Variants in DNM2 observed in about 807,000 individuals in gnomAD.
The protein encoded by DNM2 is dynamin 2.
Under a neutral mutation model 99.0 loss-of-function variants are expected in DNM2, and 15 were observed. The ratio of observed to expected loss-of-function variants is 0.15; its 90% confidence interval spans 0.10 to 0.23. DNM2 has a LOEUF of 0.23. DNM2 is among the 10% of genes least tolerant of loss of function. The probability of loss-of-function intolerance (pLI) is 1.00; values close to 1 mark genes in which losing one functional copy is unlikely to be tolerated. For missense variants in DNM2, 742 were observed against 1,189.4 expected (o/e 0.62, Z 5.53); for synonymous variants, 525 against 481.2 (o/e 1.09, Z -1.19).
chr19:10,718,585 G>A, intron 1 of DNM2, 182 bp downstream of exon 1: 2 of 936,020 alleles, frequency 2.1e-6, no homozygotes, highest in East Asian at 3.9e-5. Flanking sequence ...CCCTGCAGGG[G>A]CTCCGGAGCA....
chr19:10,745,680 G>C (rs1259088096), intron 1 of DNM2, among the ~76,000 whole-genome samples: 2 of 152,216 alleles, frequency 1.3e-5, no homozygotes, highest in African/African-American at 2.4e-5. Flanking sequence ...CTGGATGACA[G>C]AGTGAGATCC....
At chr19:10,813,029 G>A (rs1435595156) in intron 15 of DNM2, among the ~76,000 whole-genome samples, 1 of 152,226 alleles carries the variant, frequency 6.6e-6, no homozygotes, top group African/African-American at 2.4e-5. Context: ...CAGGCATGCA[G>A]CCAGCCTCCA....
chr19:10,784,856 C>T lies in DNM2; in HGVS notation c.850-1708C>T, dbSNP rs1349125281. Among the ~76,000 whole-genome samples the T allele has an allele frequency of 3.1e-5, 4 of 130,586 alleles. No homozygotes were observed. In the East Asian group the frequency reaches 9.9e-4, roughly 32 times the overall value. The allele number at this position is 130,586 out of a possible 152,430, so 85.7% of individuals were successfully genotyped here. A position where few individuals can be genotyped will look rare whatever the true frequency, so the allele number is the denominator to read the frequency against. ...TTTTTTTTTTTGAGACAGAGCCTCA[C>T]TCTGTTGCCCGGGCTGGAGTGCAGT... On this transcript the variant is annotated intron_variant, in intron 6 of 20. Transcript: ENST00000389253.
chr19:10,802,391 G>T, intron 12 of DNM2, 33 bp downstream of exon 12: 2 of 1,608,276 alleles, frequency 1.2e-6, no homozygotes, highest in East Asian at 2.2e-5. Flanking sequence ...TGGTCGGGCG[G>T]CACCAATCCT....
intron 1 of DNM2, among the ~76,000 whole-genome samples, chr19:10,756,799 C>A (rs974783968): frequency 6.6e-6 from 1 of 152,038 alleles, no homozygotes; most frequent in Admixed American, 6.6e-5. Flanking sequence ...TGACCATCCA[C>A]CTCCCAAACT....
At chr19:10,758,314 C>T (rs1861125480) in intron 1 of DNM2, among the ~76,000 whole-genome samples, 1 of 136,908 alleles carries the variant, frequency 7.3e-6, no homozygotes, top group Admixed American at 7.1e-5. Context: ...TCCCTCCCTC[C>T]TTCCTTCCCT....
chr19:10,806,480 A>G (rs1344782632), intron 13 of DNM2, among the ~76,000 whole-genome samples: 1 of 151,808 alleles, frequency 6.6e-6, no homozygotes, highest in East Asian at 1.9e-4. Context: ...GGGCAATACA[A>G]TGAGACCTCA....
chr19:10,789,630 C>G (rs1353720724), intron 7 of DNM2, among the ~76,000 whole-genome samples: 1 of 151,900 alleles, frequency 6.6e-6, no homozygotes, highest in Admixed American at 6.6e-5. Context: ...GTCAGGAGTT[C>G]AAGACCACCT....
chr19:10,726,572 C>T (rs1165929017), intron 1 of DNM2, among the ~76,000 whole-genome samples: 2 of 152,046 alleles, frequency 1.3e-5, no homozygotes, highest in African/African-American at 4.8e-5. Context: ...AAGTAATTGG[C>T]CGTGAGAGTT....
At chr19:10,827,231 G>C (rs1035581691) in intron 18 of DNM2, among the ~76,000 whole-genome samples, 1 of 152,026 alleles carries the variant, frequency 6.6e-6, no homozygotes, top group Non-Finnish European at 1.5e-5. Context: ...CGGTTCTTCT[G>C]CTATGAAATT....
chr19:10,745,297 G>A (rs113195553), intron 1 of DNM2, among the ~76,000 whole-genome samples: 12 of 152,144 alleles, frequency 7.9e-5, no homozygotes, highest in African/African-American at 1.4e-4. Context: ...GGTCATTATC[G>A]GTTTTCATTC....
intron 5 of DNM2, among the ~76,000 whole-genome samples, chr19:10,780,030 TCATG>T (rs1202037771): frequency 6.6e-6 from 1 of 152,138 alleles, no homozygotes; most frequent in East Asian, 1.9e-4. Context: ...GCCTTTCCCT[TCATG>T]CTTAGCCGCA....
intron 1 of DNM2, among the ~76,000 whole-genome samples, chr19:10,736,944 C>T (rs1022314820): frequency 2.6e-5 from 4 of 152,042 alleles, no homozygotes; most frequent in South Asian, 2.1e-4. Flanking sequence ...CCCAGGAGTA[C>T]GAGACCAGCC....
chr19:10,724,058 T>C lies in DNM2; in HGVS notation c.161+5655T>C, dbSNP rs1372500264. 8.4e-5 allele frequency among the ~76,000 whole-genome samples: 12 copies of C among 143,566 alleles called. No individual in the cohort carries two copies. In the South Asian group the frequency reaches 2.4e-3, roughly 28 times the overall value. The allele number at this position is 143,566 out of a possible 152,430, so 94.2% of individuals were successfully genotyped here. A position where few individuals can be genotyped will look rare whatever the true frequency, so the allele number is the denominator to read the frequency against. On this transcript the variant is annotated intron_variant, in intron 1 of 20. Coordinates refer to ENST00000389253, the MANE Select transcript of DNM2 (RefSeq NM_001005361.3). Reference sequence around the variant, plus strand: ...CTGATCACGCTACTGCCTTCCAGCCTGGGCGGAAGAACGAGACCTCGTCTC... The same window carrying C: ...CTGATCACGCTACTGCCTTCCAGCCCGGGCGGAAGAACGAGACCTCGTCTC...
intron 1 of DNM2, among the ~76,000 whole-genome samples, chr19:10,735,285 G>A (rs145024318): frequency 1.3e-5 from 2 of 152,112 alleles, no homozygotes; most frequent in Non-Finnish European, 1.5e-5. Context: ...TGATCTGCCC[G>A]CCTCTGCCTC....
At chr19:10,758,747 A>G (rs1279567617) in intron 1 of DNM2, among the ~76,000 whole-genome samples, 1 of 151,678 alleles carries the variant, frequency 6.6e-6, no homozygotes, top group Non-Finnish European at 1.5e-5. Context: ...GGGTTTCGCC[A>G]TGTTGGCCAG....
rs551337524 is a variant in DNM2, at chr19:10,786,751, C to T, written c.992+45C>T. On this transcript the variant is annotated intron_variant, in intron 7 of 20. Coordinates refer to ENST00000389253, the MANE Select transcript of DNM2 (RefSeq NM_001005361.3). ...CCACCACCACCACCCTGGCCCCTGC[C>T]TTCCATCAGCCACAGGGCCCCCTAG... 26 of 1,612,594 alleles carry T rather than the reference C, an allele frequency of 1.6e-5. No homozygotes were observed. The African/African-American group carries it at 3.2e-4, about 20-fold the overall frequency.
In DNM2 at chr19:10,795,229, A is replaced by G; in HGVS notation, c.1129-143A>G. The stretch of plus-strand genomic sequence containing the variant: ...AGCCACTGTATCTGGCCAGTTTTCA[A>G]TTTTTTAAATAAAATTTTGACGAGT... On this transcript the variant is annotated intron_variant, in intron 8 of 20. Coordinates refer to ENST00000389253, the MANE Select transcript of DNM2 (RefSeq NM_001005361.3). This position sits in a 1 kb window ranked among gnomAD's most constrained non-coding sequence, Gnocchi z 4.2. 2 of 809,924 alleles carry G rather than the reference A, an allele frequency of 2.5e-6. No homozygotes were observed. Among genetic ancestry groups the G allele is most frequent in the South Asian group, 1.4e-5 (1 of 69,946 alleles). 50.2% of individuals were successfully genotyped at this position (809,924 alleles called of 1,614,324 possible). A position where few individuals can be genotyped will look rare whatever the true frequency, so the allele number is the denominator to read the frequency against.
intron 11 of DNM2, among the ~76,000 whole-genome samples, chr19:10,799,358 T>TTCCC (rs2072050698): frequency 6.6e-6 from 1 of 152,046 alleles, no homozygotes; most frequent in Non-Finnish European, 1.5e-5. Flanking sequence ...GCCACCCTTC[T>TTCCC]TCCCTCCCTC....
Sources: gnomAD v4.1 joint callset for allele counts (sites outside exome capture counted in the v4.1 genomes callset) on GRCh38, gnomAD v4.1.1 for gene constraint, Gnocchi (gnomAD v3.1) non-coding constraint, MANE v1.5 for transcripts, NCBI Gene and HGNC (gene_info 2026-07-23, HGNC 2026-07-21) for gene names.